AGAP1: variants seen among roughly 807,000 people sequenced by gnomAD.
AGAP1 encodes arf-GAP with GTPase, ANK repeat and PH domain-containing protein 1.
AGAP1 carries 29 observed loss-of-function variants against 105.3 expected under a neutral mutation model. The observed-to-expected ratio is 0.28, with a 90% CI of 0.21 to 0.38. The LOEUF (loss-of-function observed/expected upper bound fraction) is 0.38, where lower values mean the gene tolerates loss of function less well. Ranked by LOEUF, AGAP1 falls within the 10% of genes least tolerant of loss-of-function variation. The probability of loss-of-function intolerance (pLI) is 1.00; values close to 1 mark genes in which losing one functional copy is unlikely to be tolerated. For missense variants in AGAP1, 998 were observed against 1,165.1 expected, an observed-to-expected ratio of 0.86 and a Z score of 2.09; for synonymous variants, 509 against 485.9, an observed-to-expected ratio of 1.05 and a Z score of -0.63.
In AGAP1 at chr2:236,114,949, T is replaced by G. The variant is rs1559290270; in HGVS notation, c.2115-5243T>G. Among the ~76,000 whole-genome samples, 1 of 151,920 alleles carries G rather than the reference T, an allele frequency of 6.6e-6. No homozygotes were observed. Among genetic ancestry groups the G allele is most frequent in the Non-Finnish European group, 1.5e-5 (1 of 67,968 alleles). Reference sequence around the variant, plus strand: ...AGCCAGACTCCTTCTTACCCCAGAGTCTCAGGATCCTCTGCACCCTCGGGG... The same window carrying G: ...AGCCAGACTCCTTCTTACCCCAGAGGCTCAGGATCCTCTGCACCCTCGGGG... On this transcript the variant is annotated intron_variant, in intron 16 of 17. Transcript: ENST00000304032. The surrounding 1 kb of genome is among the most constrained non-coding windows in gnomAD (Gnocchi z 5.0).
intron 1 of AGAP1, among the ~76,000 whole-genome samples, chr2:235,565,679 T>A (rs1944324235): frequency 6.6e-6 from 1 of 152,242 alleles, no homozygotes; most frequent in African/African-American, 2.4e-5. Flanking sequence ...GTATTTTTTT[T>A]GAGACAGGGT....
In AGAP1 at chr2:235,865,256, C is replaced by T. The variant is rs192076685; in HGVS notation, c.1051-18089C>T. On this transcript the variant is annotated intron_variant, in intron 9 of 17. Coordinates refer to ENST00000304032, the MANE Select transcript of AGAP1 (RefSeq NM_001037131.3). The surrounding 1 kb of genome is among the most constrained non-coding windows in gnomAD (Gnocchi z 6.2). ...GCTCCTGGCCGAATCCAGTCCCGGC[C>T]GGCGCTTTGAAGCCTGTGCTGTGCG... Among the ~76,000 whole-genome samples, 318 of 152,284 alleles carry T rather than the reference C, an allele frequency of 2.1e-3. 1 individual carries two copies. The highest frequency in any genetic ancestry group is 3.4e-3 in the Middle Eastern group (1 of 294).
chr2:235,982,397 C>A lies in AGAP1; in HGVS notation c.1645+13774C>A, dbSNP rs554061295. On this transcript the variant is annotated intron_variant, in intron 13 of 17. Coordinates refer to ENST00000304032, the MANE Select transcript of AGAP1 (RefSeq NM_001037131.3). This position sits in a 1 kb window ranked among gnomAD's most constrained non-coding sequence, Gnocchi z 4.9. ...CCAAAATATTACTTTATTCTGCACA[C>A]CGTGGGGACATCAGCTGGGAGGGTC... Among the ~76,000 whole-genome samples the A allele has an allele frequency of 2.6e-5, 4 of 152,240 alleles. No individual in the cohort carries two copies. In the South Asian group the frequency reaches 8.3e-4, roughly 32 times the overall value.
intron 6 of AGAP1, among the ~76,000 whole-genome samples, chr2:235,771,273 C>CAG (rs1955422746): frequency 6.6e-6 from 1 of 152,242 alleles, no homozygotes; most frequent in Non-Finnish European, 1.5e-5. Context: ...TGGTCAGAGG[C>CAG]AGGCCGCCTC....
chr2:235,599,375 A>G lies in AGAP1; in HGVS notation c.163+104526A>G, dbSNP rs749990690. 1.1e-4 allele frequency among the ~76,000 whole-genome samples: 17 copies of G among 152,102 alleles called. No individual in the cohort carries two copies. The highest frequency in any genetic ancestry group is 3.9e-4 in the Admixed American group (6 of 15,254). On this transcript the variant is annotated intron_variant, in intron 1 of 17. Coordinates refer to ENST00000304032, the MANE Select transcript of AGAP1 (RefSeq NM_001037131.3). This position sits in a 1 kb window ranked among gnomAD's most constrained non-coding sequence, Gnocchi z 5.3. ...GATGGAGAAGGTGTGGCGGGCAGCA[A>G]GGAGGCTGGGGAAGTGGATGCTGCA...
In AGAP1 at chr2:236,128,313, A is replaced by T. The variant is rs2060034821; in HGVS notation, c.*4191A>T. On this transcript the variant is annotated 3_prime_UTR_variant, in exon 18 of 18. Transcript: ENST00000304032. The surrounding 1 kb of genome is among the most constrained non-coding windows in gnomAD (Gnocchi z 5.9). ...GCTGGTGCTGATCAGGGCCAAGACG[A>T]CCCTTCCCTCTCCCCCACAGCCTGT... is the stretch of plus-strand genomic sequence containing the variant. 6.6e-6 allele frequency: 1 copy of T among 151,966 alleles called. No individual in the cohort carries two copies. The highest frequency in any genetic ancestry group is 1.5e-5 in the Non-Finnish European group (1 of 68,066). The allele number at this position is 151,966 out of a possible 1,614,324, so 9.4% of individuals were successfully genotyped here. A position where few individuals can be genotyped will look rare whatever the true frequency, so the allele number is the denominator to read the frequency against.
rs563294949 is a variant in AGAP1 at position 235,948,350 on chromosome 2, T to C, written c.1483+17427T>C. 2.6e-5 allele frequency among the ~76,000 whole-genome samples: 4 copies of C among 152,214 alleles called. No homozygotes were observed. The South Asian group carries it at 8.3e-4, about 32-fold the overall frequency. On this transcript the variant is annotated intron_variant, in intron 12 of 17. Transcript: ENST00000304032. ...GGCATGCGCCACCATGCCCAGCTAA[T>C]TTTTTGTATGTTTGGTAGAAATGGG...
Position 235,936,956 on chromosome 2 carries a change from C to T in AGAP1, c.1483+6033C>T, listed in dbSNP as rs766781328. On this transcript the variant is annotated intron_variant, in intron 12 of 17. Coordinates refer to ENST00000304032, the MANE Select transcript of AGAP1 (RefSeq NM_001037131.3). This position sits in a 1 kb window ranked among gnomAD's most constrained non-coding sequence, Gnocchi z 4.7. ...CTGCTTTTTTTTTTTTAAGGAGAAA[C>T]GCATGCTTAGTACTAAAACATTGTA... 6.6e-6 allele frequency among the ~76,000 whole-genome samples: 1 copy of T among 151,460 alleles called. No individual in the cohort carries two copies. The highest frequency in any genetic ancestry group is 2.4e-5 in the African/African-American group (1 of 41,202).
intron 1 of AGAP1, among the ~76,000 whole-genome samples, chr2:235,628,966 C>T (rs1946731525): frequency 6.6e-6 from 1 of 152,126 alleles, no homozygotes; most frequent in Non-Finnish European, 1.5e-5. Flanking sequence ...CGCCTGCCAC[C>T]ACATCCGGCT....
In AGAP1 at chr2:235,609,818, G is replaced by C. The variant is rs1415842149; in HGVS notation, c.164-99361G>C. ...TAGTGGGAGGCTGTGGGCATATTTG[G>C]CGCTTGGCAGGATTGAAGGCGCAAC... On this transcript the variant is annotated intron_variant, in intron 1 of 17. Transcript: ENST00000304032. This position sits in a 1 kb window ranked among gnomAD's most constrained non-coding sequence, Gnocchi z 5.1. Among the ~76,000 whole-genome samples the C allele has an allele frequency of 6.6e-6, 1 of 152,130 alleles. No individual in the cohort carries two copies. The highest frequency in any genetic ancestry group is 6.6e-5 in the Admixed American group (1 of 15,264).
chr2:235,575,369 T>C (rs1239946841), intron 1 of AGAP1, among the ~76,000 whole-genome samples: 3 of 152,230 alleles, frequency 2.0e-5, no homozygotes, highest in African/African-American at 7.2e-5. Flanking sequence ...AACTTAAGAT[T>C]TGAAAGAATT....
intron 1 of AGAP1, among the ~76,000 whole-genome samples, chr2:235,693,493 T>C (rs1378266387): frequency 6.6e-6 from 1 of 152,168 alleles, no homozygotes; most frequent in Admixed American, 6.5e-5. Context: ...TACTGAAGGC[T>C]TTACCCCTGA....
At chr2:235,928,035 G>A (rs980502866) in intron 11 of AGAP1, among the ~76,000 whole-genome samples, 2 of 152,212 alleles carry the variant, frequency 1.3e-5, no homozygotes, top group African/African-American at 4.8e-5. Context: ...AGGTGTCCCT[G>A]CAGGTAGAGC....
chr2:235,760,566 T>C (rs1954355155), intron 6 of AGAP1, among the ~76,000 whole-genome samples: 1 of 152,200 alleles, frequency 6.6e-6, no homozygotes, highest in African/African-American at 2.4e-5. Context: ...TGTTTCTTGT[T>C]TAGAGTTGCC....
At chr2:235,798,446 A>T (rs982275163) in intron 7 of AGAP1, among the ~76,000 whole-genome samples, 1 of 152,170 alleles carries the variant, frequency 6.6e-6, no homozygotes, top group Non-Finnish European at 1.5e-5. Flanking sequence ...TTTTTTGATT[A>T]CGTTTCTTGG....
chr2:235,540,335 C>A (rs889198784), intron 1 of AGAP1, among the ~76,000 whole-genome samples: 15 of 151,966 alleles, frequency 9.9e-5, no homozygotes, highest in African/African-American at 3.4e-4. Context: ...TATTTTTAGT[C>A]AAGACGGGGT....
At position 235,834,063 on chromosome 2, in the gene AGAP1, A is replaced by G. The variant is rs1248601593; in HGVS notation, c.1050+26732A>G. On this transcript the variant is annotated intron_variant, in intron 9 of 17. Coordinates refer to ENST00000304032, the MANE Select transcript of AGAP1 (RefSeq NM_001037131.3). ...CCTCCATGTAGGCCAGTCTGGCGAA[A>G]TCCAGTGCTGTGTCTCTATGCAGTC... Among the ~76,000 whole-genome samples the G allele has an allele frequency of 3.3e-5, 5 of 151,964 alleles. No homozygotes were observed. The East Asian group carries it at 5.8e-4, about 18-fold the overall frequency.
intron 6 of AGAP1, among the ~76,000 whole-genome samples, chr2:235,764,379 T>G (rs1030382221): frequency 5.9e-5 from 9 of 152,168 alleles, no homozygotes; most frequent in Non-Finnish European, 1.2e-4. Flanking sequence ...TTGCCCATGT[T>G]TATTCCTTTT....
chr2:235,838,860 T>C (rs1432017433), intron 9 of AGAP1, among the ~76,000 whole-genome samples: 1 of 152,274 alleles, frequency 6.6e-6, no homozygotes, highest in Non-Finnish European at 1.5e-5. Context: ...TTTTTTTTTT[T>C]AAGAAGCATA....
Sources: allele counts gnomAD v4.1 joint callset (sites outside exome capture counted in the v4.1 genomes callset), GRCh38; gene constraint gnomAD v4.1.1; non-coding constraint Gnocchi (gnomAD v3.1); transcripts MANE v1.5; gene names NCBI Gene and HGNC (gene_info 2026-07-23, HGNC 2026-07-21).